The following SYT9 variants were observed in gnomAD, a reference collection of about 807,000 sequenced individuals.
SYT9 encodes the protein synaptotagmin 9.
In SYT9, 22 loss-of-function variants were observed where a neutral mutation model predicts 48.4. The observed-to-expected ratio is 0.45, with a 90% CI of 0.32 to 0.65. The LOEUF (loss-of-function observed/expected upper bound fraction) is 0.65, where lower values mean the gene tolerates loss of function less well. Among genes scored for constraint, SYT9 ranks in the 30% least tolerant of loss-of-function variants. The pLI is 0.03. For synonymous variants in SYT9, 265 were observed against 245.0 expected (o/e 1.08, Z -0.76); for missense variants, 577 against 622.0 (o/e 0.93, Z 0.77).
upstream of SYT9, among the ~76,000 whole-genome samples, chr11:7,249,749 C>G (rs1473778240): frequency 6.6e-6 from 1 of 152,144 alleles, no homozygotes; most frequent in Non-Finnish European, 1.5e-5. Context: ...TACACGTTAT[C>G]TTTGAGATAA....
chr11:7,357,355 G>C (rs933006604), intron 3 of SYT9, among the ~76,000 whole-genome samples: 2 of 152,262 alleles, frequency 1.3e-5, no homozygotes, highest in Non-Finnish European at 2.9e-5. Flanking sequence ...GCAAAAGAGA[G>C]CCAATATCTG....
At chr11:7,292,366 A>G (rs1043389141) in intron 1 of SYT9, among the ~76,000 whole-genome samples, 5 of 152,226 alleles carry the variant, frequency 3.3e-5, no homozygotes, top group African/African-American at 1.2e-4. Context: ...AGCCAACACT[A>G]TGAAAGCACT....
intron 1 of SYT9, among the ~76,000 whole-genome samples, chr11:7,266,951 T>C (rs1848195461): frequency 6.6e-6 from 1 of 152,130 alleles, no homozygotes; most frequent in Admixed American, 6.6e-5. Flanking sequence ...TCATTAAATA[T>C]AGTAAAACAT....
intron 6 of SYT9, chr11:7,439,513 A>G (rs1445146179): frequency 1.3e-5 from 2 of 152,402 alleles, no homozygotes; most frequent in African/African-American, 4.8e-5. Flanking sequence ...AGTGGACCCC[A>G]AGGCCAAGTC....
At chr11:7,370,473 C>G (rs1850341596) in intron 3 of SYT9, among the ~76,000 whole-genome samples, 1 of 151,960 alleles carries the variant, frequency 6.6e-6, no homozygotes, top group Non-Finnish European at 1.5e-5. Flanking sequence ...GCATGAAGTT[C>G]CTTTCTAAGG....
intron 1 of SYT9, among the ~76,000 whole-genome samples, chr11:7,298,537 G>A (rs575809247): frequency 1.3e-5 from 2 of 151,910 alleles, no homozygotes; most frequent in African/African-American, 4.8e-5. Flanking sequence ...GTCTGTTTAT[G>A]TGTTCTTCCT....
At chr11:7,435,363 C>T (rs1564903022) in intron 6 of SYT9, 1 of 152,222 alleles carries the variant, frequency 6.6e-6, no homozygotes, top group Non-Finnish European at 1.5e-5. Flanking sequence ...TCGAGGACTA[C>T]TCAGCCCAGA....
At chr11:7,403,490 T>C (rs1397324393) in intron 3 of SYT9, among the ~76,000 whole-genome samples, 3 of 152,150 alleles carry the variant, frequency 2.0e-5, no homozygotes, top group Non-Finnish European at 2.9e-5. Flanking sequence ...AGATTGAGGC[T>C]GCAGTGAGCT....
At chr11:7,260,758 C>T (rs572363664) in intron 1 of SYT9, among the ~76,000 whole-genome samples, 1 of 152,272 alleles carries the variant, frequency 6.6e-6, no homozygotes, top group South Asian at 2.1e-4. Context: ...CATTTTAGAT[C>T]CCCAACATAT....
Position 7,252,897 on chromosome 11 carries a change from G to A in SYT9, c.145+566G>A, listed in dbSNP as rs1444273150. Among the ~76,000 whole-genome samples, 2 of 152,230 alleles carry A rather than the reference G, an allele frequency of 1.3e-5. No homozygotes were observed. The highest frequency in any genetic ancestry group is 2.9e-5 in the Non-Finnish European group (2 of 68,046). ...GGTGCTTCTGGCCTTGGGCAGACGGGCCTGAACCCGTTCCCGGCGGGTCGC... is the reference window on the plus strand; with the variant it reads ...GGTGCTTCTGGCCTTGGGCAGACGGACCTGAACCCGTTCCCGGCGGGTCGC... On this transcript the variant is annotated intron_variant, in intron 1 of 6. Transcript: ENST00000318881. This position sits in a 1 kb window ranked among gnomAD's most constrained non-coding sequence, Gnocchi z 6.3.
At chr11:7,443,237 T>C (rs538427528) in intron 6 of SYT9, among the ~76,000 whole-genome samples, 149 of 152,380 alleles carry the variant, frequency 9.8e-4, no homozygotes, top group African/African-American at 3.1e-3. Flanking sequence ...CAAAGCACCC[T>C]ACCTGGCACT....
chr11:7,337,571 A>G (rs1250402928), intron 3 of SYT9, among the ~76,000 whole-genome samples: 1 of 152,092 alleles, frequency 6.6e-6, no homozygotes, highest in African/African-American at 2.4e-5. Flanking sequence ...TTTTTAACAT[A>G]AAGAGGTATT....
At chr11:7,359,793 T>C (rs1279995607) in intron 3 of SYT9, among the ~76,000 whole-genome samples, 3 of 149,266 alleles carry the variant, frequency 2.0e-5, no homozygotes, top group South Asian at 2.2e-4. Flanking sequence ...TTCTCCCATT[T>C]TGTAGGTTGC....
chr11:7,446,358 T>C (rs1262917754), intron 6 of SYT9, among the ~76,000 whole-genome samples: 4 of 152,236 alleles, frequency 2.6e-5, no homozygotes, highest in Non-Finnish European at 4.4e-5. Flanking sequence ...ACCTAATGTG[T>C]GCTCAATGGA....
intron 6 of SYT9, chr11:7,435,031 G>C (rs1255201576): frequency 6.6e-6 from 1 of 152,114 alleles, no homozygotes; most frequent in Non-Finnish European, 1.5e-5. Flanking sequence ...TCCTTGCAAA[G>C]AAAGAAATAA....
intron 2 of SYT9, among the ~76,000 whole-genome samples, chr11:7,307,635 C>T (rs1371304933): frequency 6.6e-6 from 1 of 152,156 alleles, no homozygotes; most frequent in Non-Finnish European, 1.5e-5. Flanking sequence ...ACCAATTATA[C>T]ACACTGAAGT....
chr11:7,321,179 T>G lies in SYT9; in HGVS notation c.1044+7238T>G, dbSNP rs750661050. Among the ~76,000 whole-genome samples, 17 of 152,206 alleles carry G rather than the reference T, an allele frequency of 1.1e-4. 1 individual carries two copies. Among genetic ancestry groups the G allele is most frequent in the Non-Finnish European group, 8.8e-5 (6 of 68,042 alleles). ...GAATTTCCCTCTATGCCAATACAGA[T>G]TCCAGTTCAGAAGAGGCAAGGACAC... On this transcript the variant is annotated intron_variant, in intron 3 of 6. Coordinates refer to ENST00000318881, the MANE Select transcript of SYT9 (RefSeq NM_175733.4).
chr11:7,438,490 A>G, intron 6 of SYT9: 1 of 152,566 alleles, frequency 6.6e-6, no homozygotes, highest in Non-Finnish European at 1.5e-5. Flanking sequence ...AGTGCTTTCT[A>G]TCACCTTTCC....
chr11:7,440,478 T>A (rs1443016856), intron 6 of SYT9: 1 of 152,118 alleles, frequency 6.6e-6, no homozygotes, highest in African/African-American at 2.4e-5. Context: ...ACCCAAAAGG[T>A]CTGATGGCAA....
Sources: gnomAD v4.1 joint callset for allele counts (sites outside exome capture counted in the v4.1 genomes callset) on GRCh38, gnomAD v4.1.1 for gene constraint, Gnocchi (gnomAD v3.1) non-coding constraint, MANE v1.5 for transcripts, NCBI Gene and HGNC (gene_info 2026-07-23, HGNC 2026-07-21) for gene names.